KDM2A: variants seen among roughly 807,000 people sequenced by gnomAD.
The protein encoded by KDM2A is lysine-specific demethylase 2A.
In KDM2A, 3 loss-of-function variants were observed where a neutral mutation model predicts 137.3. That is an observed-to-expected ratio of 0.02 (90% CI 0.01 to 0.06). KDM2A has a LOEUF of 0.06. Among genes scored for constraint, KDM2A ranks in the 10% least tolerant of loss-of-function variants. The pLI, the probability that KDM2A is intolerant of heterozygous loss-of-function variation, is 1.00. For missense variants in KDM2A, 738 were observed against 1,510.6 expected, an observed-to-expected ratio of 0.49 and a Z score of 8.48; for synonymous variants, 512 against 541.5, an observed-to-expected ratio of 0.95 and a Z score of 0.76.
intron 2 of KDM2A, among the ~76,000 whole-genome samples, chr11:67,126,688 A>C (rs977579411): frequency 6.7e-6 from 1 of 150,230 alleles, no homozygotes; most frequent in African/African-American, 2.5e-5. Flanking sequence ...AGCCTGGGCG[A>C]CAGAGCGAGA....
intron 2 of KDM2A, among the ~76,000 whole-genome samples, chr11:67,173,820 C>T (rs957163612): frequency 1.3e-5 from 2 of 152,160 alleles, no homozygotes; most frequent in African/African-American, 4.8e-5. Context: ...TCAAACAATC[C>T]TGCTGTCCCA....
intron 2 of KDM2A, among the ~76,000 whole-genome samples, chr11:67,147,712 G>C (rs1330070246): frequency 2.0e-5 from 3 of 150,732 alleles, no homozygotes; most frequent in Non-Finnish European, 4.4e-5. Flanking sequence ...GAGTCTTGCA[G>C]TGTCGCCTGA....
intron 2 of KDM2A, among the ~76,000 whole-genome samples, chr11:67,151,741 T>G (rs1409430307): frequency 6.6e-6 from 1 of 152,140 alleles, no homozygotes; most frequent in Non-Finnish European, 1.5e-5. Context: ...ATTATTATTA[T>G]TTCTTATTTT....
chr11:67,161,268 A>G (rs778882605), intron 2 of KDM2A, among the ~76,000 whole-genome samples: 1 of 152,354 alleles, frequency 6.6e-6, no homozygotes, highest in South Asian at 2.1e-4. Context: ...TGATGACAGC[A>G]TGATCATGGT....
At chr11:67,123,339 T>C (rs1217666668) in intron 2 of KDM2A, among the ~76,000 whole-genome samples, 1 of 148,534 alleles carries the variant, frequency 6.7e-6, no homozygotes, top group Non-Finnish European at 1.5e-5. Context: ...TTGGGAAGTA[T>C]ATATTCAGCA....
At chr11:67,244,547 A>G (rs375190298) in intron 13 of KDM2A, among the ~76,000 whole-genome samples, 2 of 152,306 alleles carry the variant, frequency 1.3e-5, no homozygotes, top group East Asian at 3.9e-4. Flanking sequence ...CTCTGCAAAA[A>G]GAAAGGGAAG....
chr11:67,225,804 C>G (rs1858524449), intron 10 of KDM2A, among the ~76,000 whole-genome samples: 1 of 151,746 alleles, frequency 6.6e-6, no homozygotes, highest in African/African-American at 2.4e-5. Context: ...GTGGCTCATG[C>G]CTGTAATCCC....
chr11:67,172,338 T>A (rs537322992), intron 2 of KDM2A, among the ~76,000 whole-genome samples: 1 of 152,200 alleles, frequency 6.6e-6, no homozygotes. Context: ...GTGATTTTGA[T>A]AAGAATTGCT....
intron 2 of KDM2A, among the ~76,000 whole-genome samples, chr11:67,159,875 G>C (rs964739131): frequency 1.3e-5 from 2 of 152,164 alleles, no homozygotes; most frequent in Non-Finnish European, 2.9e-5. Flanking sequence ...CCATGAAAAG[G>C]TATATGCCAG....
rs1328566175 is a variant in KDM2A at position 67,125,187 on chromosome 11, C to CT, written c.42+3839dup. Among the ~76,000 whole-genome samples the CT allele has an allele frequency of 3.4e-4, 46 of 135,138 alleles. 1 individual carries two copies. Among genetic ancestry groups the CT allele is most frequent in the South Asian group, 1.4e-3 (6 of 4,210 alleles). 88.7% of individuals were successfully genotyped at this position (135,138 alleles called of 152,430 possible). The stretch of plus-strand genomic sequence containing the variant: ...GGAGGGAACTTTCTTTTTTTTTTTT[C>CT]TTTTTTTTTTATTTGAGATAGGGGT... On this transcript the variant is annotated intron_variant, in intron 2 of 20. Transcript: ENST00000529006.
rs905596763 is a variant in KDM2A at position 67,119,346 on chromosome 11, AGCG to A, written c.-769_-767del. ...GAGGGAAACAACACCCCTCCCCGGC[AGCG>A]GCGGCGGCGGCGGCGGCTCTCGGAG... On this transcript the variant is annotated 5_prime_UTR_variant, in exon 1 of 21. Transcript: ENST00000529006. The A allele has an allele frequency of 8.9e-4, 148 of 166,296 alleles. No homozygotes were observed. The highest frequency in any genetic ancestry group is 2.8e-3 in the Middle Eastern group (1 of 362). 10.3% of individuals were successfully genotyped at this position (166,296 alleles called of 1,614,324 possible). A position where few individuals can be genotyped will look rare whatever the true frequency, so the allele number is the denominator to read the frequency against.
intron 10 of KDM2A, among the ~76,000 whole-genome samples, chr11:67,223,594 G>C (rs1157634562): frequency 6.6e-6 from 1 of 151,842 alleles, no homozygotes; most frequent in Non-Finnish European, 1.5e-5. Flanking sequence ...TTTTTTTGTA[G>C]AAACGAGGTT....
chr11:67,194,111 C>T (rs1240383366), intron 5 of KDM2A, among the ~76,000 whole-genome samples: 3 of 152,298 alleles, frequency 2.0e-5, no homozygotes, highest in South Asian at 4.1e-4. Flanking sequence ...TAAATTATTT[C>T]AGCAATTTTA....
At chr11:67,132,766 A>G (rs1395234772) in intron 2 of KDM2A, among the ~76,000 whole-genome samples, 1 of 150,340 alleles carries the variant, frequency 6.7e-6, no homozygotes, top group African/African-American at 2.5e-5. Flanking sequence ...CAGCATGAGC[A>G]TTAACTGAGT....
intron 18 of KDM2A, 34 bp downstream of exon 18, chr11:67,252,891 G>A: frequency 6.3e-7 from 1 of 1,576,228 alleles, no homozygotes; most frequent in Non-Finnish European, 8.6e-7. Context: ...TCTTTCCAGG[G>A]GCCCAGAAGA....
chr11:67,191,593 A>C (rs899090797), intron 5 of KDM2A, among the ~76,000 whole-genome samples: 1 of 152,256 alleles, frequency 6.6e-6, no homozygotes, highest in Admixed American at 6.5e-5. Flanking sequence ...AAAAAGTTAC[A>C]TGATCATCTC....
chr11:67,231,814 C>G lies in KDM2A; in HGVS notation c.1333C>G (p.Pro445Ala). Residue 445 changes from proline (P) to alanine (A), a missense_variant, in exon 12 of 21, where the codon CCC becomes GCC. Pro to Ala is a conservative substitution (Grantham distance 27, BLOSUM62 -1). Around this residue, in one of 9 missense-constraint regions of KDM2A, gnomAD observed 113 missense variants for 133.5 expected, o/e 0.85. Transcript: ENST00000529006. ...NGQVWDPQCA[P>A]RKDRQVHLTH... ...ACAAGTGTGGGATCCCCAGTGTGCTCCCCGAAAGGACAGGCAAGTGCATCT... is the reference window on the plus strand; with the variant it reads ...ACAAGTGTGGGATCCCCAGTGTGCTGCCCGAAAGGACAGGCAAGTGCATCT... 1 of 1,614,030 alleles carries G rather than the reference C, an allele frequency of 6.2e-7. No homozygotes were observed. The highest frequency in any genetic ancestry group is 8.5e-7 in the Non-Finnish European group (1 of 1,179,900).
At chr11:67,127,743 T>G (rs1855762716) in intron 2 of KDM2A, among the ~76,000 whole-genome samples, 1 of 152,086 alleles carries the variant, frequency 6.6e-6, no homozygotes, top group African/African-American at 2.4e-5. Flanking sequence ...GTTTTGCTCT[T>G]GTTGCCGAGG....
chr11:67,177,644 A>G (rs1031142366), intron 2 of KDM2A, among the ~76,000 whole-genome samples: 1 of 152,118 alleles, frequency 6.6e-6, no homozygotes, highest in Non-Finnish European at 1.5e-5. Context: ...TGTGATAACA[A>G]TGCCTTCTTT....
Sources: gnomAD v4.1 joint callset for allele counts (sites outside exome capture counted in the v4.1 genomes callset) on GRCh38, gnomAD v4.1.1 for gene constraint, gnomAD v4.1.1 regional missense constraint, MANE v1.5 for transcripts, NCBI Gene and HGNC (gene_info 2026-07-23, HGNC 2026-07-21) for gene names.